BRD10: variants seen among roughly 807,000 people sequenced by gnomAD.
The protein encoded by BRD10 is uncharacterized bromodomain-containing protein 10.
chr9:5,967,954 G>A, the BRD10 span: 533 of 986,020 alleles, frequency 5.4e-4, 4 homozygotes, highest in African/African-American at 7.7e-3. Context: ...CATCCATGAT[G>A]CATAATGGAA....
the BRD10 span, among the ~76,000 whole-genome samples, chr9:5,989,432 A>C: frequency 6.6e-6 from 1 of 150,658 alleles, no homozygotes; most frequent in Non-Finnish European, 1.5e-5. Flanking sequence ...ACCTCAAAAA[A>C]AAAAAAAAAG....
the BRD10 span, among the ~76,000 whole-genome samples, chr9:5,990,435 TG>T: frequency 6.6e-6 from 1 of 152,212 alleles, no homozygotes; most frequent in South Asian, 2.1e-4. Flanking sequence ...CACAGAACAC[TG>T]GGGATAAGGA....
At chr9:5,881,815 G>GT in the BRD10 span, 6 of 152,110 alleles carry the variant, frequency 3.9e-5, no homozygotes, top group African/African-American at 1.4e-4. Context: ...TTCTCTGATG[G>GT]TGCTACTTCC....
At chr9:5,955,971 C>A in the BRD10 span, among the ~76,000 whole-genome samples, 32 of 152,200 alleles carry the variant, frequency 2.1e-4, no homozygotes, top group African/African-American at 6.3e-4. Flanking sequence ...GATGCCTTTC[C>A]TCTATACACT....
chr9:6,003,001 T>A, the BRD10 span, among the ~76,000 whole-genome samples: 1 of 152,206 alleles, frequency 6.6e-6, no homozygotes, highest in African/African-American at 2.4e-5. Context: ...GCTGTACTCT[T>A]ACCCCAATCC....
chr9:5,937,294 T>C, the BRD10 span, among the ~76,000 whole-genome samples: 1 of 150,636 alleles, frequency 6.6e-6, no homozygotes, highest in Non-Finnish European at 1.5e-5. Context: ...CCCAGCACTC[T>C]GGGAGGCCGA....
chr9:5,909,105 G>A, the BRD10 span: 1 of 239,506 alleles, frequency 4.2e-6, no homozygotes. Context: ...ACTGTACACA[G>A]AATTGTTCCA....
At chr9:5,928,585 T>C in the BRD10 span, among the ~76,000 whole-genome samples, 1 of 152,142 alleles carries the variant, frequency 6.6e-6, no homozygotes, top group Non-Finnish European at 1.5e-5. Flanking sequence ...ACGCCAAACA[T>C]GCTATCAACT....
chr9:5,922,072 T>G, the BRD10 span: 1 of 1,614,034 alleles, frequency 6.2e-7, no homozygotes, highest in Non-Finnish European at 8.5e-7. Context: ...AAACTGAACT[T>G]GAAGATACAG....
chr9:5,922,782 G>A, the BRD10 span: 1 of 1,613,958 alleles, frequency 6.2e-7, no homozygotes. Flanking sequence ...GGCAACCACT[G>A]GCCACAGGGC....
the BRD10 span, among the ~76,000 whole-genome samples, chr9:5,997,180 A>T: frequency 1.3e-5 from 2 of 152,246 alleles, no homozygotes; most frequent in African/African-American, 4.8e-5. Flanking sequence ...GCAAGAGCTA[A>T]GGACATAATT....
the BRD10 span, among the ~76,000 whole-genome samples, chr9:5,940,574 A>ATT: frequency 6.6e-6 from 1 of 152,186 alleles, no homozygotes; most frequent in Non-Finnish European, 1.5e-5. Flanking sequence ...CTAGCTATAT[A>ATT]ACAGTGTGTT....
chr9:6,006,846 T>G, the BRD10 span, among the ~76,000 whole-genome samples: 27 of 152,380 alleles, frequency 1.8e-4, no homozygotes, highest in South Asian at 5.4e-3. Flanking sequence ...ATGCTAAAAC[T>G]GTCTAAAAGT....
At chr9:6,001,527 T>G in the BRD10 span, among the ~76,000 whole-genome samples, 3 of 152,210 alleles carry the variant, frequency 2.0e-5, no homozygotes, top group Non-Finnish European at 4.4e-5. Context: ...AACTTTTAAT[T>G]ATGCCTCCAA....
At chr9:5,929,205 T>A in the BRD10 span, 4 of 992,026 alleles carry the variant, frequency 4.0e-6, no homozygotes, top group South Asian at 5.8e-5. Context: ...ATTCTAAAAG[T>A]AAATGTCAAA....
chr9:5,883,954 A>G, the BRD10 span, among the ~76,000 whole-genome samples: 1 of 152,124 alleles, frequency 6.6e-6, no homozygotes, highest in African/African-American at 2.4e-5. Flanking sequence ...TGAGAGAAAG[A>G]ATTATTAGGT....
chr9:5,878,861 T>C, the BRD10 span, among the ~76,000 whole-genome samples: 44 of 152,374 alleles, frequency 2.9e-4, no homozygotes, highest in Non-Finnish European at 3.7e-4. Context: ...TGTTTAACTT[T>C]ATTTAGTTCA....
the BRD10 span, chr9:5,909,006 A>G: frequency 1.7e-5 from 6 of 362,706 alleles, no homozygotes; most frequent in East Asian, 2.9e-4. Context: ...ACAGAATTCA[A>G]GTGGGTATTC....
chr9:5,980,617 A>G, the BRD10 span, among the ~76,000 whole-genome samples: 1 of 152,098 alleles, frequency 6.6e-6, no homozygotes, highest in Non-Finnish European at 1.5e-5. Context: ...GATTGTAAAA[A>G]ATTTCTGTAG....
Sources: allele counts gnomAD v4.1 joint callset (sites outside exome capture counted in the v4.1 genomes callset), GRCh38; gene constraint gnomAD v4.1.1; transcripts MANE v1.5; gene names NCBI Gene and HGNC (gene_info 2026-07-23, HGNC 2026-07-21).